Variants in RANBP2 observed in about 807,000 individuals in gnomAD.
RANBP2 encodes the protein RAN binding protein 2.
In RANBP2, 57 loss-of-function variants were observed where a neutral mutation model predicts 303.6. The observed-to-expected ratio is 0.19, with a 90% CI of 0.15 to 0.23. The LOEUF (loss-of-function observed/expected upper bound fraction) is 0.23. Ranked by LOEUF, RANBP2 falls within the 10% of genes least tolerant of loss-of-function variation. RANBP2 has a pLI of 1.00. For missense variants in RANBP2, 3,138 were observed against 3,780.8 expected (o/e 0.83, Z 4.46); for synonymous variants, 1,167 against 1,301.5 (o/e 0.90, Z 2.23).
chr2:109,002,418 A>G, the RANBP2 span, among the ~76,000 whole-genome samples: 2 of 152,050 alleles, frequency 1.3e-5, no homozygotes, highest in African/African-American at 2.4e-5. Flanking sequence ...GCTTCTCCCA[A>G]TGTCTCCTTG....
At chr2:109,725,605 A>G in the RANBP2 span, among the ~76,000 whole-genome samples, 54 of 152,138 alleles carry the variant, frequency 3.5e-4, no homozygotes, top group African/African-American at 1.3e-3. Context: ...TCATTTTGTC[A>G]GTCTTCTTGC....
At chr2:109,237,985 C>A in the RANBP2 span, among the ~76,000 whole-genome samples, 1 of 152,108 alleles carries the variant, frequency 6.6e-6, no homozygotes, top group East Asian at 1.9e-4. Context: ...GTAATCCTAG[C>A]ACTTGAGGTC....
the RANBP2 span, among the ~76,000 whole-genome samples, chr2:109,100,459 T>C: frequency 6.6e-6 from 1 of 152,014 alleles, no homozygotes; most frequent in Non-Finnish European, 1.5e-5. Flanking sequence ...CGTGGAAAAA[T>C]TATCTTCCAC....
At chr2:109,204,534 G>T in the RANBP2 span, among the ~76,000 whole-genome samples, 1,336 of 152,190 alleles carry the variant, frequency 8.8e-3, 15 homozygotes, top group African/African-American at 0.031. Context: ...ATATATTTGT[G>T]TGCAATGTAC....
the RANBP2 span, among the ~76,000 whole-genome samples, chr2:109,558,463 A>G: frequency 6.6e-6 from 1 of 152,238 alleles, no homozygotes; most frequent in Non-Finnish European, 1.5e-5. Flanking sequence ...AAGGTGATTA[A>G]CTGTGGGAAA....
the RANBP2 span, among the ~76,000 whole-genome samples, chr2:109,176,078 C>T: frequency 6.6e-6 from 1 of 152,190 alleles, no homozygotes. Context: ...TTTTGGTCAG[C>T]ACACTGGAAA....
At chr2:109,363,259 T>C in the RANBP2 span, among the ~76,000 whole-genome samples, 1 of 152,160 alleles carries the variant, frequency 6.6e-6, no homozygotes, top group Non-Finnish European at 1.5e-5. Flanking sequence ...TTGGTTGCAT[T>C]GGAGTCTGCA....
the RANBP2 span, chr2:109,545,398 G>A: frequency 7.2e-6 from 11 of 1,535,060 alleles, no homozygotes; most frequent in East Asian, 2.4e-5. Flanking sequence ...AAACCTACAC[G>A]CCTTGCGATT....
the RANBP2 span, among the ~76,000 whole-genome samples, chr2:109,566,915 ATGG>A: frequency 6.6e-6 from 1 of 152,178 alleles, no homozygotes; most frequent in Non-Finnish European, 1.5e-5. Flanking sequence ...TAGTTTCTTA[ATGG>A]TGGCTTTCTG....
the RANBP2 span, among the ~76,000 whole-genome samples, chr2:108,899,501 GC>G: frequency 1.3e-5 from 2 of 152,288 alleles, no homozygotes; most frequent in East Asian, 1.9e-4. Flanking sequence ...AACATAGTGA[GC>G]AAAAATATGG....
At chr2:108,887,962 G>A in the RANBP2 span, among the ~76,000 whole-genome samples, 2 of 152,132 alleles carry the variant, frequency 1.3e-5, no homozygotes, top group African/African-American at 2.4e-5. Context: ...TAGAGGAAAG[G>A]CTTTTAGCTT....
At chr2:109,640,589 G>T in the RANBP2 span, among the ~76,000 whole-genome samples, 1 of 152,174 alleles carries the variant, frequency 6.6e-6, no homozygotes, top group Admixed American at 6.6e-5. Context: ...TAAGCCTGTG[G>T]CGGAGAAGCT....
chr2:108,741,898 G>A (rs1481712706), intron 7 of RANBP2, among the ~76,000 whole-genome samples: 5 of 147,826 alleles, frequency 3.4e-5, no homozygotes, highest in East Asian at 2.0e-4. Flanking sequence ...ATTAAACCAC[G>A]CTTAGAAAAA....
the RANBP2 span, among the ~76,000 whole-genome samples, chr2:109,307,767 G>A: frequency 1.3e-5 from 2 of 148,460 alleles, no homozygotes; most frequent in African/African-American, 5.1e-5. Flanking sequence ...CATTTTTTAT[G>A]GCTGCATAGT....
the RANBP2 span, among the ~76,000 whole-genome samples, chr2:109,081,453 G>T: frequency 8.1e-3 from 1,232 of 152,252 alleles, 11 homozygotes; most frequent in East Asian, 0.037. Context: ...TTTTTCACAT[G>T]GGGCTCCGCG....
At chr2:109,476,858 C>T in the RANBP2 span, among the ~76,000 whole-genome samples, 66 of 152,308 alleles carry the variant, frequency 4.3e-4, no homozygotes, top group African/African-American at 1.4e-3. Flanking sequence ...TAAACCATAT[C>T]GGGTAACTTC....
the RANBP2 span, among the ~76,000 whole-genome samples, chr2:109,275,648 A>G: frequency 1.3e-5 from 2 of 152,180 alleles, no homozygotes; most frequent in Non-Finnish European, 2.9e-5. Flanking sequence ...TTCCAAGTTC[A>G]AGGATTAGCT....
chr2:109,581,296 G>A, the RANBP2 span, among the ~76,000 whole-genome samples: 8 of 152,066 alleles, frequency 5.3e-5, no homozygotes, highest in African/African-American at 1.9e-4. Flanking sequence ...AATTAGCCGG[G>A]TGTCATAGCG....
At chr2:109,037,922 CA>C in the RANBP2 span, among the ~76,000 whole-genome samples, 2 of 152,160 alleles carry the variant, frequency 1.3e-5, no homozygotes, top group Non-Finnish European at 1.5e-5. Flanking sequence ...AAAATCCCAG[CA>C]AGGTGCTTTG....
Sources: gnomAD v4.1 joint callset for allele counts (sites outside exome capture counted in the v4.1 genomes callset) on GRCh38, gnomAD v4.1.1 for gene constraint, MANE v1.5 for transcripts, NCBI Gene and HGNC (gene_info 2026-07-23, HGNC 2026-07-21) for gene names.